The following FHIT variants were observed in gnomAD, a reference collection of about 807,000 sequenced individuals.
The protein encoded by FHIT is bis(5'-adenosyl)-triphosphatase.
In FHIT, 19 loss-of-function variants were observed where a neutral mutation model predicts 17.9. The observed-to-expected ratio is 1.06, with a 90% confidence interval of 0.74 to 1.56. The LOEUF is 1.56. FHIT is among the 40% of genes most tolerant of loss of function. The pLI, the probability that FHIT is intolerant of heterozygous loss-of-function variation, is 0.00. For synonymous variants in FHIT, 81 were observed against 69.7 expected (o/e 1.16, Z -0.81); for missense variants, 248 against 189.2 (o/e 1.31, Z -1.82).
rs184469181 is a variant in FHIT, at chr3:60,058,375, C to T, written c.104-44223G>A. 5.3e-3 allele frequency among the ~76,000 whole-genome samples: 812 copies of T among 151,960 alleles called. 6 individuals are homozygous for T. The highest frequency in any genetic ancestry group is 0.019 in the African/African-American group (784 of 41,426). ...GGATCTCTTGACCTCATGATCTGCC[C>T]GCCTCAGCCTCCCACACTGTTGGGA... On this transcript the variant is annotated intron_variant, in intron 5 of 9. Coordinates refer to ENST00000492590, the MANE Select transcript of FHIT (RefSeq NM_002012.4).
intron 4 of FHIT, among the ~76,000 whole-genome samples, chr3:60,658,905 A>G (rs1553690344): frequency 1.3e-5 from 2 of 151,808 alleles, no homozygotes. Context: ...TTCAACCTGT[A>G]GAACTCATTT....
chr3:59,972,954 C>T (rs1708254249), intron 7 of FHIT, among the ~76,000 whole-genome samples: 1 of 152,094 alleles, frequency 6.6e-6, no homozygotes, highest in Admixed American at 6.6e-5. Flanking sequence ...ATCTCTTCCT[C>T]AACCCCATTC....
intron 1 of FHIT, among the ~76,000 whole-genome samples, chr3:61,250,196 G>T (rs558005579): frequency 6.6e-6 from 1 of 152,308 alleles, no homozygotes; most frequent in Non-Finnish European, 1.5e-5. Context: ...GTACCTGCCC[G>T]ACGAGAAACA....
intron 3 of FHIT, among the ~76,000 whole-genome samples, chr3:60,916,528 C>A (rs901173508): frequency 2.0e-5 from 3 of 152,128 alleles, no homozygotes; most frequent in African/African-American, 4.8e-5. Context: ...CATTATTGCC[C>A]AAGATTCAAG....
At chr3:60,639,290 G>A (rs1476870992) in intron 4 of FHIT, among the ~76,000 whole-genome samples, 1 of 151,914 alleles carries the variant, frequency 6.6e-6, no homozygotes, top group African/African-American at 2.4e-5. Flanking sequence ...TTGTGAGAAC[G>A]GTGAACCAAA....
chr3:59,817,577 A>AAG (rs1553686381), intron 8 of FHIT, among the ~76,000 whole-genome samples: 87 of 151,050 alleles, frequency 5.8e-4, no homozygotes, highest in African/African-American at 1.3e-3. Context: ...AAAAAAAAAA[A>AAG]AAAGAAAGAA....
intron 5 of FHIT, among the ~76,000 whole-genome samples, chr3:60,132,511 G>A (rs1430367128): frequency 6.6e-6 from 1 of 152,206 alleles, no homozygotes; most frequent in Non-Finnish European, 1.5e-5. Context: ...GCCCTTGATA[G>A]ATGTTAAAAG....
chr3:60,257,658 G>A (rs1042636548), intron 5 of FHIT, among the ~76,000 whole-genome samples: 1 of 152,156 alleles, frequency 6.6e-6, no homozygotes, highest in African/African-American at 2.4e-5. Flanking sequence ...AAAGTAGACT[G>A]CTACAAGCAG....
intron 4 of FHIT, among the ~76,000 whole-genome samples, chr3:60,552,955 G>A (rs1302919601): frequency 6.6e-6 from 1 of 152,094 alleles, no homozygotes; most frequent in African/African-American, 2.4e-5. Context: ...AGATTAAGAG[G>A]CATGTCTACA....
At chr3:60,931,644 G>T (rs1707962387) in intron 3 of FHIT, among the ~76,000 whole-genome samples, 1 of 152,140 alleles carries the variant, frequency 6.6e-6, no homozygotes, top group Non-Finnish European at 1.5e-5. Context: ...TCCCCAGGGA[G>T]CACCTGTAAA....
intron 5 of FHIT, among the ~76,000 whole-genome samples, chr3:60,263,645 A>T (rs1317974559): frequency 5.9e-5 from 9 of 152,004 alleles, no homozygotes; most frequent in Non-Finnish European, 1.2e-4. Flanking sequence ...AAAGCAGATC[A>T]GTGGATGCCT....
chr3:60,631,583 G>A (rs1437115304), intron 4 of FHIT, among the ~76,000 whole-genome samples: 1 of 152,186 alleles, frequency 6.6e-6, no homozygotes, highest in African/African-American at 2.4e-5. Context: ...AAGAGGGGAA[G>A]TTGGCAGGGG....
At chr3:60,479,913 G>C (rs141584215) in intron 5 of FHIT, among the ~76,000 whole-genome samples, 1 of 152,158 alleles carries the variant, frequency 6.6e-6, no homozygotes, top group African/African-American at 2.4e-5. Context: ...GTGCCAAAAA[G>C]GTTGGGGGCT....
intron 4 of FHIT, among the ~76,000 whole-genome samples, chr3:60,585,818 T>G (rs571579096): frequency 1.3e-5 from 2 of 151,986 alleles, no homozygotes; most frequent in African/African-American, 4.8e-5. Context: ...GAAACACTAT[T>G]ATAGGCATTA....
chr3:60,312,675 A>G (rs1485846658), intron 5 of FHIT, among the ~76,000 whole-genome samples: 1 of 152,140 alleles, frequency 6.6e-6, no homozygotes, highest in African/African-American at 2.4e-5. Flanking sequence ...CAGCCTATCA[A>G]CTACCTTTGA....
chr3:60,193,082 G>C (rs1413866040), intron 5 of FHIT, among the ~76,000 whole-genome samples: 1 of 152,174 alleles, frequency 6.6e-6, no homozygotes, highest in African/African-American at 2.4e-5. Flanking sequence ...GAAAAATGGA[G>C]ATTTCTCAAA....
intron 4 of FHIT, among the ~76,000 whole-genome samples, chr3:60,717,606 G>C (rs970065786): frequency 6.6e-6 from 1 of 152,132 alleles, no homozygotes; most frequent in Non-Finnish European, 1.5e-5. Context: ...GCGAAGATTT[G>C]AGCTTGAAGT....
At chr3:60,126,996 G>T (rs937983269) in intron 5 of FHIT, among the ~76,000 whole-genome samples, 9 of 152,134 alleles carry the variant, frequency 5.9e-5, no homozygotes, top group Non-Finnish European at 1.2e-4. Flanking sequence ...CAAGATAAAT[G>T]CAGGCAAGCA....
chr3:60,490,296 C>A (rs2034010237), intron 5 of FHIT, among the ~76,000 whole-genome samples: 1 of 151,978 alleles, frequency 6.6e-6, no homozygotes, highest in South Asian at 2.1e-4. Flanking sequence ...GACATCGTTA[C>A]TGCTTCAAAA....
Sources: gnomAD v4.1 joint callset for allele counts (sites outside exome capture counted in the v4.1 genomes callset) on GRCh38, gnomAD v4.1.1 for gene constraint, MANE v1.5 for transcripts, NCBI Gene and HGNC (gene_info 2026-07-23, HGNC 2026-07-21) for gene names.